Variants in RNF144B observed in about 807,000 individuals in gnomAD.
The protein encoded by RNF144B is ring finger protein 144B, also known as E3 ubiquitin-protein ligase RNF144B.
In RNF144B, 25 loss-of-function variants were observed where a neutral mutation model predicts 40.2. That is an observed-to-expected ratio of 0.62 (90% confidence interval 0.45 to 0.87). The LOEUF is 0.87. Among genes scored for constraint, RNF144B ranks in the 40% least tolerant of loss-of-function variants. The probability of loss-of-function intolerance (pLI) is 0.00; values close to 1 mark genes in which losing one functional copy is unlikely to be tolerated. For synonymous variants in RNF144B, 145 were observed against 136.3 expected, an observed-to-expected ratio of 1.06 and a Z score of -0.44; for missense variants, 365 against 373.7, an observed-to-expected ratio of 0.98 and a Z score of 0.19.
At chr6:18,453,102 T>C (rs1331727530) in intron 4 of RNF144B, among the ~76,000 whole-genome samples, 1 of 151,472 alleles carries the variant, frequency 6.6e-6, no homozygotes, top group Admixed American at 6.6e-5. Context: ...ATACATGTTT[T>C]TATAAAAATG....
At chr6:18,463,598 G>A (rs1475652784) in intron 7 of RNF144B, among the ~76,000 whole-genome samples, 1 of 152,200 alleles carries the variant, frequency 6.6e-6, no homozygotes, top group Admixed American at 6.5e-5. Flanking sequence ...AGAAACAGGG[G>A]CACCAGAGCT....
chr6:18,437,917 T>C (rs1758857577), intron 3 of RNF144B, among the ~76,000 whole-genome samples: 1 of 152,234 alleles, frequency 6.6e-6, no homozygotes, highest in South Asian at 2.1e-4. Flanking sequence ...TTTTAGGGGT[T>C]GACTTTGAAG....
At position 18,456,168 on chromosome 6, in the gene RNF144B, T is replaced by C. The variant is rs1432003184; in HGVS notation, c.332-987T>C. 2.0e-5 allele frequency among the ~76,000 whole-genome samples: 3 copies of C among 152,126 alleles called. No individual in the cohort carries two copies. Among genetic ancestry groups the C allele is most frequent in the Non-Finnish European group, 4.4e-5 (3 of 68,006 alleles). ...TGATCTCCTAACCTTGTGATCCGCC[T>C]ACCTCAGCCTCCCAAAGTGCTGGGA... On this transcript the variant is annotated intron_variant, in intron 4 of 7. Transcript: ENST00000259939. This position sits in a 1 kb window ranked among gnomAD's most constrained non-coding sequence, Gnocchi z 4.7.
intron 3 of RNF144B, among the ~76,000 whole-genome samples, chr6:18,436,321 G>T (rs986428371): frequency 1.3e-5 from 2 of 152,182 alleles, no homozygotes; most frequent in South Asian, 2.1e-4. Flanking sequence ...ACCACAGCTA[G>T]GTACAAGTTG....
In RNF144B at chr6:18,412,176, A is replaced by G. The variant is rs547656358; in HGVS notation, c.165+12477A>G. ...TTAAATCAGTATGTGTTACCAAATT[A>G]CTGTTCCAAACTGTTGCACCAGCTT... is the stretch of plus-strand genomic sequence containing the variant. On this transcript the variant is annotated intron_variant, in intron 2 of 7. Transcript: ENST00000259939. The surrounding 1 kb of genome is among the most constrained non-coding windows in gnomAD (Gnocchi z 4.2). Among the ~76,000 whole-genome samples, 336 of 152,326 alleles carry G rather than the reference A, an allele frequency of 2.2e-3. No homozygotes were observed. The highest frequency in any genetic ancestry group is 7.7e-3 in the African/African-American group (319 of 41,574).
At chr6:18,438,047 G>T (rs552073227) in intron 3 of RNF144B, among the ~76,000 whole-genome samples, 11 of 152,272 alleles carry the variant, frequency 7.2e-5, no homozygotes, top group Admixed American at 4.6e-4. Flanking sequence ...ATATTATTGA[G>T]GTCTCTTGGG....
intron 1 of RNF144B, among the ~76,000 whole-genome samples, chr6:18,390,888 TTG>T (rs1216341396): frequency 2.6e-5 from 4 of 152,228 alleles, no homozygotes; most frequent in African/African-American, 9.6e-5. Context: ...TGTGTTGACT[TTG>T]TTTCCTTCAT....
intron 4 of RNF144B, among the ~76,000 whole-genome samples, chr6:18,452,830 G>T (rs1172797439): frequency 1.3e-5 from 2 of 151,846 alleles, no homozygotes; most frequent in Non-Finnish European, 2.9e-5. Context: ...TGTTACCTAG[G>T]CTGGAGTGCA....
rs895137234 is a variant in RNF144B at position 18,412,859 on chromosome 6, A to T, written c.165+13160A>T. The stretch of plus-strand genomic sequence containing the variant: ...GAATCATTTCCCACCCACAGTAAGG[A>T]GGTCTTTTTGGTTTGACTCTTCTGG... On this transcript the variant is annotated intron_variant, in intron 2 of 7. Transcript: ENST00000259939. This position sits in a 1 kb window ranked among gnomAD's most constrained non-coding sequence, Gnocchi z 4.2. Among the ~76,000 whole-genome samples the T allele has an allele frequency of 6.6e-6, 1 of 152,114 alleles. No homozygotes were observed. The highest frequency in any genetic ancestry group is 2.4e-5 in the African/African-American group (1 of 41,418).
rs889734689 is a variant in RNF144B at position 18,458,306 on chromosome 6, G to T, written c.536+947G>T. ...GACCTCTGTGTTTCATTCCTGCTTT[G>T]CTTGAGGCTATCGTTGTTCTGCATC... On this transcript the variant is annotated intron_variant, in intron 5 of 7. Coordinates refer to ENST00000259939, the MANE Select transcript of RNF144B (RefSeq NM_182757.4). The surrounding 1 kb of genome is among the most constrained non-coding windows in gnomAD (Gnocchi z 4.8). Among the ~76,000 whole-genome samples the T allele has an allele frequency of 6.6e-6, 1 of 152,156 alleles. No individual in the cohort carries two copies. The highest frequency in any genetic ancestry group is 2.4e-5 in the African/African-American group (1 of 41,434).
At chr6:18,407,986 T>TTC (rs1662847841) in intron 2 of RNF144B, among the ~76,000 whole-genome samples, 1 of 19,184 alleles carries the variant, frequency 5.2e-5, no homozygotes, top group South Asian at 1.2e-3. Flanking sequence ...TTCTTTTTCT[T>TTC]TTTTTTTTTT....
rs1278927031 is a variant in RNF144B, at chr6:18,412,317, C to A, written c.165+12618C>A. 3.3e-5 allele frequency among the ~76,000 whole-genome samples: 5 copies of A among 152,126 alleles called. No homozygotes were observed. The highest frequency in any genetic ancestry group is 4.4e-5 in the Non-Finnish European group (3 of 68,028). Reference sequence around the variant, plus strand: ...AAAAGAACATATCTCATGGTTTAATCCATACTTCCTCTTTTTAGGAGGAAG... The same window carrying A: ...AAAAGAACATATCTCATGGTTTAATACATACTTCCTCTTTTTAGGAGGAAG... On this transcript the variant is annotated intron_variant, in intron 2 of 7. Transcript: ENST00000259939. This position sits in a 1 kb window ranked among gnomAD's most constrained non-coding sequence, Gnocchi z 4.2.
At chr6:18,455,787 T>C (rs983662509) in intron 4 of RNF144B, among the ~76,000 whole-genome samples, 3 of 152,188 alleles carry the variant, frequency 2.0e-5, no homozygotes, top group Non-Finnish European at 4.4e-5. Flanking sequence ...TCTCCAACTC[T>C]ATCTTCTTTC....
At chr6:18,389,689 C>T (rs761679912) in intron 1 of RNF144B, among the ~76,000 whole-genome samples, 4 of 152,140 alleles carry the variant, frequency 2.6e-5, no homozygotes, top group South Asian at 2.1e-4. Context: ...ACTGAAGGAA[C>T]AAAGTCTGAG....
chr6:18,394,790 T>A (rs552862104), intron 1 of RNF144B, among the ~76,000 whole-genome samples: 24 of 152,344 alleles, frequency 1.6e-4, no homozygotes, highest in African/African-American at 4.8e-4. Flanking sequence ...TTCCATTCTT[T>A]CCTATCAGAT....
chr6:18,421,747 A>C (rs1172726993), intron 2 of RNF144B, among the ~76,000 whole-genome samples: 4 of 152,186 alleles, frequency 2.6e-5, no homozygotes, highest in South Asian at 2.1e-4. Context: ...CTTTGCACGC[A>C]GTTTGAAAAA....
rs2113527570 is a variant in RNF144B, at chr6:18,450,452, C to T, written c.332-6703C>T. Among the ~76,000 whole-genome samples the T allele has an allele frequency of 6.6e-6, 1 of 152,194 alleles. No individual in the cohort carries two copies. ...AGCTGGGATTACACGTGTGTGCCACCAGGCCTGGCTAATTTTGTATTTTTT... is the reference window on the plus strand; with the variant it reads ...AGCTGGGATTACACGTGTGTGCCACTAGGCCTGGCTAATTTTGTATTTTTT... On this transcript the variant is annotated intron_variant, in intron 4 of 7. Coordinates refer to ENST00000259939, the MANE Select transcript of RNF144B (RefSeq NM_182757.4). The surrounding 1 kb of genome is among the most constrained non-coding windows in gnomAD (Gnocchi z 4.7).
rs201971580 is a variant in RNF144B, at chr6:18,425,056, G to T, written c.166-2525G>T. Reference sequence around the variant, plus strand: ...TTTCACGTGTATGTGTGTATGTGTGGGTGTGTGTGTGTGTGTGTTAAAACC... The same window carrying T: ...TTTCACGTGTATGTGTGTATGTGTGTGTGTGTGTGTGTGTGTGTTAAAACC... On this transcript the variant is annotated intron_variant, in intron 2 of 7. Coordinates refer to ENST00000259939, the MANE Select transcript of RNF144B (RefSeq NM_182757.4). This position sits in a 1 kb window ranked among gnomAD's most constrained non-coding sequence, Gnocchi z 4.2. Among the ~76,000 whole-genome samples the T allele has an allele frequency of 2.6e-3, 394 of 151,212 alleles. 1 individual carries two copies. The highest frequency in any genetic ancestry group is 8.4e-3 in the African/African-American group (348 of 41,280).
rs824115 is a variant in RNF144B, at chr6:18,467,009, C to A, written c.*1942C>A. 0.068 allele frequency: 10,350 copies of A among 151,298 alleles called. 471 individuals carry two copies. Among genetic ancestry groups the A allele is most frequent in the Middle Eastern group, 0.12 (36 of 292 alleles). 9.4% of individuals were successfully genotyped at this position (151,298 alleles called of 1,614,324 possible). ...AAACTCTAAACACTTCAGAAAAAAA[C>A]ACTATCAGTGTAGTTCATGTTAGTA... On this transcript the variant is annotated 3_prime_UTR_variant, in exon 8 of 8. Coordinates refer to ENST00000259939, the MANE Select transcript of RNF144B (RefSeq NM_182757.4).
Sources: gnomAD v4.1 joint callset for allele counts (sites outside exome capture counted in the v4.1 genomes callset) on GRCh38, gnomAD v4.1.1 for gene constraint, Gnocchi (gnomAD v3.1) non-coding constraint, MANE v1.5 for transcripts, NCBI Gene and HGNC (gene_info 2026-07-23, HGNC 2026-07-21) for gene names.